CHD1L: variants seen among roughly 807,000 people sequenced by gnomAD.
The protein encoded by CHD1L is ATP-dependent chromatin remodeler CHD1L.
CHD1L carries 118 observed loss-of-function variants against 115.9 expected under a neutral mutation model. The observed-to-expected ratio is 1.02, with a 90% CI of 0.88 to 1.19. CHD1L has a LOEUF of 1.19. Among genes scored for constraint, CHD1L ranks in the 50% most tolerant of loss-of-function variants. The pLI is 0.00. For missense variants in CHD1L, 1,179 were observed against 1,065.3 expected (o/e 1.11, Z -1.49); for synonymous variants, 411 against 387.1 (o/e 1.06, Z -0.72).
chr1:147,291,332 A>C, intron 19 of CHD1L, 150 bp from the exon 20 acceptor site: 1 of 654,100 alleles, frequency 1.5e-6, no homozygotes, highest in South Asian at 1.8e-5. Flanking sequence ...CCCAGCTAAG[A>C]GGTTGACTGA....
chr1:147,265,792 TAA>T (rs1417750070), intron 7 of CHD1L, 138 bp from the exon 8 acceptor site: 1 of 650,568 alleles, frequency 1.5e-6, no homozygotes, highest in African/African-American at 1.9e-5. Flanking sequence ...AGAAATACTA[TAA>T]AAAAATGATC....
the CHD1L span, chr1:147,178,660 C>G: frequency 1.3e-6 from 2 of 1,574,220 alleles, no homozygotes; most frequent in Non-Finnish European, 1.7e-6. Context: ...GGATAACTAC[C>G]GATTTGCACA....
the CHD1L span, chr1:147,187,056 A>T: frequency 6.2e-7 from 1 of 1,614,112 alleles, no homozygotes. Flanking sequence ...TTCGAGCCCC[A>T]TCCCACTTTC....
the CHD1L span, among the ~76,000 whole-genome samples, chr1:147,198,463 C>T: frequency 4.6e-4 from 70 of 152,256 alleles, no homozygotes; most frequent in African/African-American, 1.6e-3. Flanking sequence ...AGCAAAAGCA[C>T]AGGGTACAAG....
At chr1:147,184,354 A>T in the CHD1L span, 3 of 894,952 alleles carry the variant, frequency 3.4e-6, no homozygotes, top group Non-Finnish European at 4.6e-6. This position sits in a 1 kb window ranked among gnomAD's most constrained non-coding sequence, Gnocchi z 4.4. Flanking sequence ...TTCCTCTGGT[A>T]CATTTGTCAC....
At chr1:147,201,063 T>C in the CHD1L span, 10 of 890,908 alleles carry the variant, frequency 1.1e-5, no homozygotes, top group East Asian at 2.2e-4. Flanking sequence ...TAATCATACA[T>C]GCTATCTCTA....
At position 147,270,215 on chromosome 1, in the gene CHD1L, G is replaced by C. The variant is rs17160085; in HGVS notation, c.1086-717G>C. Among the ~76,000 whole-genome samples, 1,448 of 152,298 alleles carry C rather than the reference G, an allele frequency of 9.5e-3. 24 individuals are homozygous for C. Among genetic ancestry groups the C allele is most frequent in the African/African-American group, 0.033 (1,375 of 41,550 alleles). On this transcript the variant is annotated intron_variant, in intron 10 of 22. Coordinates refer to ENST00000369258, the MANE Select transcript of CHD1L (RefSeq NM_004284.6). ...TTATAATGAGAATATTGTTTTGACAGTGCTGTGCTTCTTTGTTTATGCAAA... is the reference window on the plus strand; with the variant it reads ...TTATAATGAGAATATTGTTTTGACACTGCTGTGCTTCTTTGTTTATGCAAA...
At chr1:147,229,435 G>A in the CHD1L span, among the ~76,000 whole-genome samples, 5 of 152,268 alleles carry the variant, frequency 3.3e-5, no homozygotes, top group African/African-American at 9.6e-5. Flanking sequence ...TTTGAAGTCA[G>A]GTAGCGTGAT....
intron 6 of CHD1L, among the ~76,000 whole-genome samples, chr1:147,262,022 C>T (rs985088833): frequency 6.6e-6 from 1 of 151,782 alleles, no homozygotes; most frequent in Non-Finnish European, 1.5e-5. Context: ...GGTGAAACCC[C>T]GTCTCTACTA....
At chr1:147,195,491 C>G in the CHD1L span, among the ~76,000 whole-genome samples, 1 of 152,076 alleles carries the variant, frequency 6.6e-6, no homozygotes. Flanking sequence ...GCTTCATTTT[C>G]TAAACATGTT....
At chr1:147,239,492 T>C (rs939149833), upstream of CHD1L, among the ~76,000 whole-genome samples, 2 of 152,078 alleles carry the variant, frequency 1.3e-5, no homozygotes, top group African/African-American at 4.8e-5. Flanking sequence ...TTTCAATAGA[T>C]CTAGTAGCAG....
chr1:147,282,993 A>T (rs1276676418), intron 15 of CHD1L, among the ~76,000 whole-genome samples: 1 of 152,226 alleles, frequency 6.6e-6, no homozygotes, highest in Non-Finnish European at 1.5e-5. Flanking sequence ...GATAGGAAGT[A>T]TGATTACAAA....
rs59773572 is a variant in CHD1L at position 147,249,404 on chromosome 1, A to ATTTTTTTTTT, written c.128-3208_128-3199dup. 2.1e-4 allele frequency among the ~76,000 whole-genome samples: 20 copies of ATTTTTTTTTT among 94,166 alleles called. 1 individual carries two copies. Among genetic ancestry groups the ATTTTTTTTTT allele is most frequent in the Admixed American group, 4.7e-4 (3 of 6,416 alleles). The allele number at this position is 94,166 out of a possible 152,430, so 61.8% of individuals were successfully genotyped here. On this transcript the variant is annotated intron_variant, in intron 1 of 22. Transcript: ENST00000369258. ...TTAATAATTACATATCTTGGTGTGT[A>ATTTTTTTTTT]TTTTTTTTTTTTTTTTTTTTGAGAT...
chr1:147,185,175 A>AT, the CHD1L span, among the ~76,000 whole-genome samples: 13 of 151,168 alleles, frequency 8.6e-5, no homozygotes, highest in East Asian at 3.9e-4. Flanking sequence ...TTAACCATTG[A>AT]TTTTTTTTTG....
upstream of CHD1L, among the ~76,000 whole-genome samples, chr1:147,239,420 C>T (rs1664699996): frequency 6.6e-6 from 1 of 152,178 alleles, no homozygotes; most frequent in Non-Finnish European, 1.5e-5. Flanking sequence ...CATCCCTGAA[C>T]CCAACCTTTG....
chr1:147,218,681 A>G, the CHD1L span, among the ~76,000 whole-genome samples: 3 of 152,186 alleles, frequency 2.0e-5, no homozygotes, highest in South Asian at 2.1e-4. Flanking sequence ...ACATTTCACA[A>G]TCTAGCCCGG....
the CHD1L span, among the ~76,000 whole-genome samples, chr1:147,188,132 A>T: frequency 6.6e-6 from 1 of 152,192 alleles, no homozygotes; most frequent in Non-Finnish European, 1.5e-5. Flanking sequence ...AAGGTAAAAC[A>T]GTAAAGAATT....
At chr1:147,254,686 T>C (rs1483617590) in intron 2 of CHD1L, among the ~76,000 whole-genome samples, 184 bp from the exon 3 acceptor site, 1 of 152,218 alleles carries the variant, frequency 6.6e-6, no homozygotes, top group African/African-American at 2.4e-5. Flanking sequence ...GCAAGTATAT[T>C]GAGGCTTACA....
rs1364005813 is a variant in CHD1L, at chr1:147,270,530, TGTG to T, written c.1086-401_1086-399del. Among the ~76,000 whole-genome samples, 1,095 of 129,542 alleles carry T rather than the reference TGTG, an allele frequency of 8.5e-3. 14 individuals carry two copies. The highest frequency in any genetic ancestry group is 0.03 in the African/African-American group (1,048 of 35,064). The allele number at this position is 129,542 out of a possible 152,430, so 85.0% of individuals were successfully genotyped here. A position where few individuals can be genotyped will look rare whatever the true frequency, so the allele number is the denominator to read the frequency against. On this transcript the variant is annotated intron_variant, in intron 10 of 22. Coordinates refer to ENST00000369258, the MANE Select transcript of CHD1L (RefSeq NM_004284.6). ...CTCCAGTTTTTCTTTTCTTTTTTTTTGTGTGTGTATTTGAATTTTGCATTTTAC... is the reference window on the plus strand; with the variant it reads ...CTCCAGTTTTTCTTTTCTTTTTTTTTTGTGTATTTGAATTTTGCATTTTAC...
Sources: allele counts gnomAD v4.1 joint callset (sites outside exome capture counted in the v4.1 genomes callset), GRCh38; gene constraint gnomAD v4.1.1; non-coding constraint Gnocchi (gnomAD v3.1); transcripts MANE v1.5; gene names NCBI Gene and HGNC (gene_info 2026-07-23, HGNC 2026-07-21).